ZCWPW2: variants seen among roughly 807,000 people sequenced by gnomAD.
ZCWPW2 encodes the protein zinc finger CW-type PWWP domain protein 2.
In ZCWPW2, 45 loss-of-function variants were observed where a neutral mutation model predicts 46.6. The observed-to-expected ratio is 0.96, with a 90% CI of 0.76 to 1.24. The LOEUF is 1.24. ZCWPW2 is among the 50% of genes most tolerant of loss of function. The pLI, the probability that ZCWPW2 is intolerant of heterozygous loss-of-function variation, is 0.00. For missense variants in ZCWPW2, 429 were observed against 403.9 expected, an observed-to-expected ratio of 1.06 and a Z score of -0.53; for synonymous variants, 152 against 137.1, an observed-to-expected ratio of 1.11 and a Z score of -0.76.
At chr3:28,435,705 C>G (rs1011607852) in intron 4 of ZCWPW2, among the ~76,000 whole-genome samples, 1 of 151,960 alleles carries the variant, frequency 6.6e-6, no homozygotes, top group Admixed American at 6.6e-5. Context: ...GCAGGATGGT[C>G]TCGAACTCCT....
chr3:28,393,164 G>C (rs1422322705), intron 2 of ZCWPW2, among the ~76,000 whole-genome samples: 2 of 151,940 alleles, frequency 1.3e-5, no homozygotes, highest in Non-Finnish European at 2.9e-5. Context: ...AAACTACTAT[G>C]AACAATTATA....
intron 3 of ZCWPW2, among the ~76,000 whole-genome samples, chr3:28,424,042 TA>T (rs1287401290): frequency 6.6e-6 from 1 of 152,168 alleles, no homozygotes; most frequent in Non-Finnish European, 1.5e-5. Flanking sequence ...CAGGATATTC[TA>T]AAACTATACC....
intron 5 of ZCWPW2, among the ~76,000 whole-genome samples, chr3:28,483,089 G>A (rs575260569): frequency 3.3e-5 from 5 of 152,172 alleles, no homozygotes; most frequent in African/African-American, 1.2e-4. Flanking sequence ...GGTCATCTAG[G>A]TTTTCTCTTT....
chr3:28,483,092 T>G (rs577850371), intron 5 of ZCWPW2, among the ~76,000 whole-genome samples: 3 of 152,274 alleles, frequency 2.0e-5, no homozygotes, highest in African/African-American at 7.2e-5. Flanking sequence ...CATCTAGGTT[T>G]TCTCTTTTAT....
chr3:28,495,380 G>T (rs1343118291), intron 6 of ZCWPW2, among the ~76,000 whole-genome samples: 1 of 152,038 alleles, frequency 6.6e-6, no homozygotes, highest in Non-Finnish European at 1.5e-5. Context: ...AATGTGGATA[G>T]GTTTATTTCA....
chr3:28,420,420 A>G (rs1326364115), intron 3 of ZCWPW2, among the ~76,000 whole-genome samples: 1 of 151,940 alleles, frequency 6.6e-6, no homozygotes, highest in African/African-American at 2.4e-5. Context: ...TAAGCCTGGT[A>G]TCCCTTGGTT....
At chr3:28,475,113 G>A (rs1054401546) in intron 4 of ZCWPW2, among the ~76,000 whole-genome samples, 8 of 151,972 alleles carry the variant, frequency 5.3e-5, no homozygotes, top group Admixed American at 2.0e-4. Context: ...TAAAGTGCTA[G>A]GATTACAGGC....
chr3:28,481,992 C>T (rs758398731), intron 5 of ZCWPW2, among the ~76,000 whole-genome samples: 10 of 152,134 alleles, frequency 6.6e-5, no homozygotes, highest in Non-Finnish European at 1.3e-4. Context: ...TACACTGACA[C>T]GTCATTGTCA....
At position 28,493,641 on chromosome 3, in the gene ZCWPW2, T is replaced by G. The variant is rs1471557397; in HGVS notation, c.657+1468T>G. On this transcript the variant is annotated intron_variant, in intron 6 of 9. Coordinates refer to ENST00000383768, the MANE Select transcript of ZCWPW2 (RefSeq NM_001040432.4). ...GCATGTGTCTTTATAGCAGCATGAT[T>G]TATAGTCATTTGGGTATATACCCAG... 2.0e-4 allele frequency among the ~76,000 whole-genome samples: 15 copies of G among 73,796 alleles called. 1 individual carries two copies. The allele number at this position is 73,796 out of a possible 152,430, so 48.4% of individuals were successfully genotyped here.
intron 3 of ZCWPW2, among the ~76,000 whole-genome samples, chr3:28,424,422 T>C (rs1379561872): frequency 6.6e-6 from 1 of 152,046 alleles, no homozygotes; most frequent in Non-Finnish European, 1.5e-5. Flanking sequence ...AAAGAGGTAA[T>C]TAAGTGAAAA....
At chr3:28,431,362 G>A (rs1318921947) in intron 3 of ZCWPW2, among the ~76,000 whole-genome samples, 1 of 152,060 alleles carries the variant, frequency 6.6e-6, no homozygotes, top group Admixed American at 6.6e-5. Context: ...AGTTCTGGAG[G>A]CTAGAAATCC....
intron 5 of ZCWPW2, among the ~76,000 whole-genome samples, chr3:28,485,327 T>C (rs888272596): frequency 1.3e-5 from 2 of 152,102 alleles, no homozygotes; most frequent in African/African-American, 4.8e-5. Flanking sequence ...GGATGTGGTC[T>C]TTTTTTCTGA....
chr3:28,387,502 A>G (rs1365891902), intron 1 of ZCWPW2, among the ~76,000 whole-genome samples: 1 of 152,202 alleles, frequency 6.6e-6, no homozygotes, highest in Non-Finnish European at 1.5e-5. Context: ...TTATTTTCAT[A>G]TAATTTCAGA....
intron 3 of ZCWPW2, among the ~76,000 whole-genome samples, chr3:28,433,756 AAAAAAAAAAAAAAC>A (rs1697365001): frequency 8.0e-6 from 1 of 124,334 alleles, no homozygotes; most frequent in Non-Finnish European, 1.6e-5. Flanking sequence ...ACTCCCTCTT[AAAAAAAAAAAAAAC>A]AAAAAACAAA....
At chr3:28,368,088 C>A (rs140730507) in intron 1 of ZCWPW2, among the ~76,000 whole-genome samples, 13 of 152,014 alleles carry the variant, frequency 8.6e-5, no homozygotes, top group Non-Finnish European at 1.0e-4. Context: ...ATGGGTCTTG[C>A]GTCTTTATCC....
rs753659288 is a variant in ZCWPW2, at chr3:28,413,173, T to C, written c.105T>C (p.Asn35=). 7 of 1,613,280 alleles carry C rather than the reference T, an allele frequency of 4.3e-6. No individual in the cohort carries two copies. The highest frequency in any genetic ancestry group is 5.9e-6 in the Non-Finnish European group (7 of 1,179,548). The change falls in exon 3 of 10, where the codon AAT becomes AAC. Residue 35 remains asparagine, a synonymous_variant. Transcript: ENST00000383768. ...ACAAAGTGTGGGTTCAATGTGAGAA[T>C]GAAAATTGTTTGAAATGGAGATTGT... ...YVNKVWVQCE[N]ENCLKWRLLS... is the part of the protein sequence containing the mutation.
chr3:28,389,449 G>C (rs1287926551), intron 1 of ZCWPW2, among the ~76,000 whole-genome samples: 1 of 152,098 alleles, frequency 6.6e-6, no homozygotes. Flanking sequence ...CCAGATCTTG[G>C]CTTTTATAAG....
chr3:28,509,441 A>G (rs771818059), intron 6 of ZCWPW2, among the ~76,000 whole-genome samples: 7 of 152,162 alleles, frequency 4.6e-5, no homozygotes, highest in Non-Finnish European at 7.4e-5. Flanking sequence ...TTATATTCCC[A>G]CCAGCAATAA....
intron 6 of ZCWPW2, among the ~76,000 whole-genome samples, chr3:28,495,385 AT>A (rs1400557186): frequency 6.6e-6 from 1 of 152,126 alleles, no homozygotes; most frequent in Non-Finnish European, 1.5e-5. Flanking sequence ...GGATAGGTTT[AT>A]TTCAATCTTT....
Sources: allele counts gnomAD v4.1 joint callset (sites outside exome capture counted in the v4.1 genomes callset), GRCh38; gene constraint gnomAD v4.1.1; transcripts MANE v1.5; gene names NCBI Gene and HGNC (gene_info 2026-07-23, HGNC 2026-07-21).